Variants in NALF1 observed in about 807,000 individuals in gnomAD.
NALF1 encodes the protein family with sequence similarity 155 member A.
NALF1 carries 3 observed loss-of-function variants against 48.4 expected under a neutral mutation model. The ratio of observed to expected loss-of-function variants is 0.06; its 90% CI spans 0.03 to 0.16. NALF1 has a LOEUF of 0.16. Ranked by LOEUF, NALF1 falls within the 10% of genes least tolerant of loss-of-function variation. The probability of loss-of-function intolerance (pLI) is 1.00; values close to 1 mark genes in which losing one functional copy is unlikely to be tolerated. For missense variants in NALF1, 526 were observed against 571.5 expected, an observed-to-expected ratio of 0.92 and a Z score of 0.81; for synonymous variants, 262 against 245.7, an observed-to-expected ratio of 1.07 and a Z score of -0.62.
chr13:107,481,736 C>T (rs1263156425), intron 1 of NALF1, among the ~76,000 whole-genome samples: 1 of 151,978 alleles, frequency 6.6e-6, no homozygotes, highest in Non-Finnish European at 1.5e-5. Context: ...GTGGGTGCAT[C>T]TAATTAACAG....
At chr13:107,730,911 G>A (rs951596544) in intron 1 of NALF1, among the ~76,000 whole-genome samples, 9 of 152,102 alleles carry the variant, frequency 5.9e-5, no homozygotes, top group Admixed American at 3.9e-4. Context: ...GCATATAAGC[G>A]CTGAAAATTA....
intron 1 of NALF1, among the ~76,000 whole-genome samples, chr13:107,467,921 G>A (rs1172896613): frequency 1.3e-5 from 2 of 151,844 alleles, no homozygotes; most frequent in African/African-American, 2.4e-5. Context: ...GGTGGCGGGC[G>A]CCTGTAGTCC....
intron 1 of NALF1, among the ~76,000 whole-genome samples, chr13:107,535,534 T>C (rs1411553960): frequency 2.0e-5 from 3 of 152,036 alleles, no homozygotes; most frequent in African/African-American, 7.2e-5. Flanking sequence ...GTGAAGAACC[T>C]CTTCAAGAAG....
intron 1 of NALF1, among the ~76,000 whole-genome samples, chr13:107,771,700 T>G (rs184210033): frequency 6.6e-6 from 1 of 152,270 alleles, no homozygotes; most frequent in East Asian, 1.9e-4. Flanking sequence ...AGACTCAGAC[T>G]TGAGAGTGTC....
At chr13:107,332,957 TG>T (rs1235638778) in intron 1 of NALF1, among the ~76,000 whole-genome samples, 1 of 152,170 alleles carries the variant, frequency 6.6e-6, no homozygotes, top group Non-Finnish European at 1.5e-5. Context: ...GCGATTCTCC[TG>T]CCTCAGCCCC....
rs889149188 is a variant in NALF1, at chr13:107,284,065, C to T, written c.916-73310G>A. ...CATTAAAAGACAAATGAAAAACCTA[C>T]AGCTACATAGGGCAAAGGATTATGG... On this transcript the variant is annotated intron_variant, in intron 1 of 2. Coordinates refer to ENST00000375915, the MANE Select transcript of NALF1 (RefSeq NM_001080396.3). Among the ~76,000 whole-genome samples, 3 of 152,088 alleles carry T rather than the reference C, an allele frequency of 2.0e-5. No homozygotes were observed. In the East Asian group the frequency reaches 5.8e-4, roughly 29 times the overall value.
intron 1 of NALF1, among the ~76,000 whole-genome samples, chr13:107,268,799 G>A (rs1347586043): frequency 6.6e-6 from 1 of 152,118 alleles, no homozygotes; most frequent in Non-Finnish European, 1.5e-5. Flanking sequence ...TTGGAGGCAC[G>A]AATAAAAGTT....
intron 1 of NALF1, among the ~76,000 whole-genome samples, chr13:107,756,050 A>G (rs900056460): frequency 1.3e-5 from 2 of 152,220 alleles, no homozygotes; most frequent in African/African-American, 4.8e-5. Context: ...CTAGGTTACT[A>G]AAGACATTGT....
intron 1 of NALF1, among the ~76,000 whole-genome samples, chr13:107,663,117 T>C (rs1257145396): frequency 1.3e-5 from 2 of 152,202 alleles, no homozygotes; most frequent in African/African-American, 4.8e-5. Context: ...ATTGATTATG[T>C]TGGTACTATA....
chr13:107,373,260 G>T (rs1022834728), intron 1 of NALF1, among the ~76,000 whole-genome samples: 17 of 152,142 alleles, frequency 1.1e-4, no homozygotes, highest in African/African-American at 4.1e-4. Flanking sequence ...ATGAAAAGTA[G>T]ATGTGAGACT....
intron 1 of NALF1, among the ~76,000 whole-genome samples, chr13:107,609,421 G>A (rs1029184557): frequency 7.9e-5 from 12 of 152,306 alleles, no homozygotes; most frequent in East Asian, 3.9e-4. Context: ...AACTCTGGGC[G>A]GCCCCAGTCA....
intron 1 of NALF1, among the ~76,000 whole-genome samples, chr13:107,757,652 C>T (rs2138558352): frequency 6.6e-6 from 1 of 152,206 alleles, no homozygotes; most frequent in South Asian, 2.1e-4. Context: ...CACACATACA[C>T]ACATACTTTC....
At chr13:107,761,642 G>C (rs1419335600) in intron 1 of NALF1, among the ~76,000 whole-genome samples, 1 of 152,164 alleles carries the variant, frequency 6.6e-6, no homozygotes, top group East Asian at 1.9e-4. Context: ...ATTGTGCTAA[G>C]CAGCTTGCCA....
chr13:107,283,304 G>A (rs986314145), intron 1 of NALF1, among the ~76,000 whole-genome samples: 6 of 152,146 alleles, frequency 3.9e-5, no homozygotes, highest in Non-Finnish European at 7.3e-5. Context: ...GTACACAAGT[G>A]ACATCAGCAA....
At chr13:107,303,857 C>T (rs983788073) in intron 1 of NALF1, among the ~76,000 whole-genome samples, 3 of 151,972 alleles carry the variant, frequency 2.0e-5, no homozygotes, top group African/African-American at 7.2e-5. Context: ...GTTGAGTAGT[C>T]TAAATACTAC....
At chr13:107,276,945 A>G (rs1881293573) in intron 1 of NALF1, among the ~76,000 whole-genome samples, 2 of 152,196 alleles carry the variant, frequency 1.3e-5, no homozygotes, top group Non-Finnish European at 1.5e-5. Context: ...AAACAAAAAA[A>G]GAGAAAAATA....
chr13:107,546,824 G>C (rs1484912624), intron 1 of NALF1, among the ~76,000 whole-genome samples: 1 of 152,118 alleles, frequency 6.6e-6, no homozygotes, highest in Non-Finnish European at 1.5e-5. Flanking sequence ...AGCACTTCCT[G>C]CAGCACTCAG....
chr13:107,808,910 A>G (rs78526441), intron 1 of NALF1, among the ~76,000 whole-genome samples: 255 of 152,228 alleles, frequency 1.7e-3, no homozygotes, highest in Admixed American at 3.7e-3. Flanking sequence ...ACTCCTGGAA[A>G]TAAGTTACTA....
chr13:107,385,552 C>CAAAAAAAAAAAAAAAAA (rs201307018), intron 1 of NALF1, among the ~76,000 whole-genome samples: 2 of 118,290 alleles, frequency 1.7e-5, no homozygotes, highest in African/African-American at 3.4e-5. Context: ...GATTCCATCT[C>CAAAAAAAAAAAAAAAAA]AAAAAAAAAA....
Sources: allele counts gnomAD v4.1 joint callset (sites outside exome capture counted in the v4.1 genomes callset), GRCh38; gene constraint gnomAD v4.1.1; transcripts MANE v1.5; gene names NCBI Gene and HGNC (gene_info 2026-07-23, HGNC 2026-07-21).